The following PPP2R2C variants were observed in gnomAD, a reference collection of about 807,000 sequenced individuals.
PPP2R2C encodes protein phosphatase 2 regulatory subunit Bgamma, also known as protein phosphatase 2, regulatory subunit B, gamma.
Under a neutral mutation model 45.3 loss-of-function variants are expected in PPP2R2C, and 10 were observed. That is an observed-to-expected ratio of 0.22 (90% CI 0.14 to 0.37). The LOEUF is 0.37. PPP2R2C is among the 10% of genes least tolerant of loss of function. PPP2R2C has a pLI of 1.00. For missense variants in PPP2R2C, 308 were observed against 619.7 expected (o/e 0.50, Z 5.34); for synonymous variants, 257 against 245.4 (o/e 1.05, Z -0.44).
intron 5 of PPP2R2C, among the ~76,000 whole-genome samples, chr4:6,359,210 C>A (rs963447642): frequency 1.3e-5 from 2 of 152,160 alleles, no homozygotes; most frequent in Admixed American, 6.5e-5. Context: ...ATGGATGAAG[C>A]TGGAAACCAT....
chr4:6,526,542 TGAAAA>T (rs1724215234), intron 2 of PPP2R2C, among the ~76,000 whole-genome samples: 1 of 152,264 alleles, frequency 6.6e-6, no homozygotes, highest in African/African-American at 2.4e-5. Flanking sequence ...GTTAAATTGG[TGAAAA>T]GAAAAGAAGA....
chr4:6,554,770 G>C (rs369567703), intron 1 of PPP2R2C, among the ~76,000 whole-genome samples: 1 of 150,854 alleles, frequency 6.6e-6, no homozygotes, highest in African/African-American at 2.4e-5. Context: ...TGAGGCACGA[G>C]AATCGCTTGA....
At chr4:6,371,917 G>A (rs900507247) in intron 5 of PPP2R2C, among the ~76,000 whole-genome samples, 4 of 152,154 alleles carry the variant, frequency 2.6e-5, no homozygotes, top group African/African-American at 2.4e-5. Flanking sequence ...GCCAAGCCTC[G>A]CCCTGCCTGC....
At chr4:6,327,403 T>C (rs1271745045) in intron 8 of PPP2R2C, among the ~76,000 whole-genome samples, 1 of 152,128 alleles carries the variant, frequency 6.6e-6, no homozygotes, top group Non-Finnish European at 1.5e-5. Flanking sequence ...AGCCTGGGGA[T>C]GCTTGGCGGC....
In PPP2R2C at chr4:6,421,105, C is replaced by T. The variant is rs954468733; in HGVS notation, c.71-40011G>A. 4.1e-6 allele frequency: 4 copies of T among 985,132 alleles called. No homozygotes were observed. The African/African-American group carries it at 7.0e-5, about 17-fold the overall frequency. The allele number at this position is 985,132 out of a possible 1,614,324, so 61.0% of individuals were successfully genotyped here. On this transcript the variant is annotated intron_variant, in intron 1 of 8. Coordinates refer to ENST00000382599, the MANE Select transcript of PPP2R2C (RefSeq NM_020416.4). The stretch of plus-strand genomic sequence containing the variant: ...AGAGGCCACACCTTTCTCTCTGTTT[C>T]CCCCAAAACACATGCAGGTATGAGC...
At chr4:6,531,427 C>G (rs144047454) in intron 2 of PPP2R2C, among the ~76,000 whole-genome samples, 1 of 152,140 alleles carries the variant, frequency 6.6e-6, no homozygotes, top group South Asian at 2.1e-4. Context: ...CAAAAGGAAG[C>G]GCGTCCAGGA....
At chr4:6,559,657 G>A (rs1725514715) in intron 1 of PPP2R2C, among the ~76,000 whole-genome samples, 1 of 152,116 alleles carries the variant, frequency 6.6e-6, no homozygotes, top group South Asian at 2.1e-4. Flanking sequence ...GGGCCCTGGG[G>A]AAACAATTAG....
chr4:6,551,636 T>C (rs1226079036), intron 1 of PPP2R2C, among the ~76,000 whole-genome samples: 1 of 152,184 alleles, frequency 6.6e-6, no homozygotes, highest in Non-Finnish European at 1.5e-5. Flanking sequence ...ACCAGGAAAC[T>C]TGAGCACCAT....
intron 6 of PPP2R2C, among the ~76,000 whole-genome samples, chr4:6,340,538 T>A (rs1472842332): frequency 3.0e-5 from 4 of 132,196 alleles, no homozygotes; most frequent in African/African-American, 8.5e-5. Flanking sequence ...CCTCCCTCCC[T>A]CTCCATCCAA....
chr4:6,349,235 C>T, intron 5 of PPP2R2C: 1 of 985,438 alleles, frequency 1.0e-6, no homozygotes, highest in South Asian at 4.7e-5. Flanking sequence ...CGGTCTGTTC[C>T]CTCTGACTCT....
intron 2 of PPP2R2C, among the ~76,000 whole-genome samples, chr4:6,507,236 A>C (rs1723267530): frequency 6.6e-6 from 1 of 152,192 alleles, no homozygotes; most frequent in Admixed American, 6.5e-5. Context: ...GTGCTCAAGG[A>C]TGAGGCCTGA....
intron 1 of PPP2R2C, among the ~76,000 whole-genome samples, chr4:6,546,051 G>T (rs1044913295): frequency 6.6e-6 from 1 of 152,198 alleles, no homozygotes; most frequent in African/African-American, 2.4e-5. Flanking sequence ...TCAACACGTG[G>T]CTAAACGAGA....
Position 6,432,146 on chromosome 4 carries a change from G to A in PPP2R2C, c.70+40014C>T, listed in dbSNP as rs566630496. ...ATGACAGCAGTAGGCTTTGATGAGC[G>A]CCTCTCTGGCTACTCAGTCCCTCCC... is the stretch of plus-strand genomic sequence containing the variant. On this transcript the variant is annotated intron_variant, in intron 1 of 8. Transcript: ENST00000382599. Among the ~76,000 whole-genome samples, 22 of 152,288 alleles carry A rather than the reference G, an allele frequency of 1.4e-4. No homozygotes were observed. In the South Asian group the frequency reaches 3.1e-3, roughly 22 times the overall value.
intron 1 of PPP2R2C, chr4:6,414,021 G>A (rs1317352142): frequency 6.5e-7 from 1 of 1,528,246 alleles, no homozygotes; most frequent in East Asian, 2.5e-5. Context: ...CCAGATCTAT[G>A]TGGCCCAAAT....
chr4:6,535,254 G>A, intron 2 of PPP2R2C: 1 of 1,535,204 alleles, frequency 6.5e-7, no homozygotes, highest in South Asian at 1.2e-5. Flanking sequence ...GCCCGGCTGT[G>A]AGAACGGGCT....
At chr4:6,395,742 C>T (rs957089548) in intron 1 of PPP2R2C, among the ~76,000 whole-genome samples, 2 of 152,198 alleles carry the variant, frequency 1.3e-5, no homozygotes, top group Admixed American at 6.5e-5. Context: ...TCCAGAGGCT[C>T]GCTTTCCTCC....
At chr4:6,355,834 T>TAA (rs1713121122) in intron 5 of PPP2R2C, among the ~76,000 whole-genome samples, 1 of 96,282 alleles carries the variant, frequency 1.0e-5, no homozygotes, top group South Asian at 4.8e-4. Flanking sequence ...CTACTAAAAA[T>TAA]ACAAAAAAAA....
At chr4:6,548,824 C>G (rs139738780) in intron 1 of PPP2R2C, among the ~76,000 whole-genome samples, 4 of 152,182 alleles carry the variant, frequency 2.6e-5, no homozygotes, top group Admixed American at 6.5e-5. Context: ...GGCAGTCAAG[C>G]GACTGCCTGC....
At chr4:6,442,202 A>G (rs1489037019) in intron 1 of PPP2R2C, among the ~76,000 whole-genome samples, 1 of 152,236 alleles carries the variant, frequency 6.6e-6, no homozygotes, top group Admixed American at 6.5e-5. Context: ...GTCTCAGCAC[A>G]CAGGCCAGGT....
Sources: allele counts gnomAD v4.1 joint callset (sites outside exome capture counted in the v4.1 genomes callset), GRCh38; gene constraint gnomAD v4.1.1; transcripts MANE v1.5; gene names NCBI Gene and HGNC (gene_info 2026-07-23, HGNC 2026-07-21).